The following DSC3 variants were observed in gnomAD, a reference collection of about 807,000 sequenced individuals.
The protein encoded by DSC3 is desmocollin 3.
Under a neutral mutation model 89.5 loss-of-function variants are expected in DSC3, and 97 were observed. That is an observed-to-expected ratio of 1.08 (90% CI 0.92 to 1.28). The LOEUF is 1.28. DSC3 is among the 50% of genes most tolerant of loss of function. The pLI is 0.00. For synonymous variants in DSC3, 436 were observed against 384.1 expected (o/e 1.14, Z -1.58); for missense variants, 1,199 against 1,085.3 (o/e 1.10, Z -1.47).
intron 4 of DSC3, 88 bp downstream of exon 4, chr18:31,029,421 A>T (rs547847706): frequency 1.3e-6 from 2 of 1,523,478 alleles, no homozygotes; most frequent in Non-Finnish European, 1.8e-6. Flanking sequence ...AGATCTGTTT[A>T]TTTTTATATG....
At chr18:31,004,043 A>G (rs914594675) in intron 13 of DSC3, 99 bp downstream of exon 13, 5 of 929,126 alleles carry the variant, frequency 5.4e-6, no homozygotes. Context: ...AGAGACTCAC[A>G]TCTGATGGAT....
In DSC3 at chr18:30,995,889, C is replaced by T. The variant is rs563215510; in HGVS notation, c.2493+902G>A. ...CAGGAGGCTGACATAGAAGGATCAC[C>T]TGAGCCCAGGAGGTCAAGGCTGCAG... On this transcript the variant is annotated intron_variant, in intron 15 of 15. Transcript: ENST00000360428. Among the ~76,000 whole-genome samples, 378 of 147,718 alleles carry T rather than the reference C, an allele frequency of 2.6e-3. 1 individual carries two copies. Among genetic ancestry groups the T allele is most frequent in the Non-Finnish European group, 4.2e-3 (283 of 67,448 alleles).
intron 5 of DSC3, 100 bp downstream of exon 5, chr18:31,025,660 A>G (rs1323949318): frequency 1.6e-6 from 2 of 1,275,146 alleles, no homozygotes; most frequent in Admixed American, 1.7e-5. Flanking sequence ...GATACCCTCT[A>G]AGAAGAGAAT....
At chr18:31,030,045 A>G (rs1304368001) in intron 3 of DSC3, among the ~76,000 whole-genome samples, 1 of 152,200 alleles carries the variant, frequency 6.6e-6, no homozygotes, top group Non-Finnish European at 1.5e-5. Context: ...CTTCACTGCC[A>G]TAGTGCTCTA....
chr18:31,032,595 T>C (rs772083400), intron 1 of DSC3, among the ~76,000 whole-genome samples: 35 of 112,572 alleles, frequency 3.1e-4, no homozygotes, highest in Non-Finnish European at 3.4e-4. Context: ...TGTGTGCGTG[T>C]GCGTGTGCGT....
chr18:31,031,224 A>C (rs1020742907), intron 2 of DSC3, 52 bp from the exon 3 acceptor site: 3 of 1,259,106 alleles, frequency 2.4e-6, no homozygotes, highest in East Asian at 2.5e-5. Flanking sequence ...AGAAAAAAAA[A>C]CGTGTTAAAA....
chr18:31,001,908 G>C (rs540973675), intron 13 of DSC3, among the ~76,000 whole-genome samples, 169 bp from the exon 14 acceptor site: 54 of 152,176 alleles, frequency 3.5e-4, no homozygotes, highest in African/African-American at 1.3e-3. Context: ...AGATAGCTTA[G>C]GTTTTAGAAT....
chr18:31,029,762 C>T (rs899762225), intron 3 of DSC3, 134 bp from the exon 4 acceptor site: 3 of 1,116,342 alleles, frequency 2.7e-6, no homozygotes, highest in Admixed American at 1.9e-5. Context: ...TGGAGCTAAA[C>T]CAGTTAATAA....
At chr18:31,009,964 A>G (rs1178519914) in intron 9 of DSC3, among the ~76,000 whole-genome samples, 3 of 152,240 alleles carry the variant, frequency 2.0e-5, no homozygotes, top group Non-Finnish European at 4.4e-5. Flanking sequence ...TTAGATAACA[A>G]ATCAAGTAAA....
chr18:31,026,365 T>A (rs1379132676), intron 4 of DSC3, among the ~76,000 whole-genome samples: 1 of 151,812 alleles, frequency 6.6e-6, no homozygotes, highest in Non-Finnish European at 1.5e-5. Context: ...TTCCTTGGAG[T>A]CTAATGGAAA....
At chr18:31,002,530 G>A (rs781076959) in intron 13 of DSC3, among the ~76,000 whole-genome samples, 31 of 151,664 alleles carry the variant, frequency 2.0e-4, no homozygotes, top group African/African-American at 5.8e-4. Context: ...GAGAAACCCC[G>A]TCTCTACTAA....
chr18:31,038,794 T>G (rs1032401424), intron 1 of DSC3, among the ~76,000 whole-genome samples: 32 of 152,078 alleles, frequency 2.1e-4, no homozygotes, highest in Non-Finnish European at 4.4e-5. Context: ...TTACTAATAT[T>G]TTCAAAGTTC....
rs930551581 is a variant in DSC3 at position 30,993,535 on chromosome 18, C to T, written c.*640G>A. 1 of 152,198 alleles carries T rather than the reference C, an allele frequency of 6.6e-6. No homozygotes were observed. The highest frequency in any genetic ancestry group is 2.4e-5 in the African/African-American group (1 of 41,420). The allele number at this position is 152,198 out of a possible 1,614,324, so 9.4% of individuals were successfully genotyped here. ...ACCCCAGCCTCATTTCAAGTTTTTA[C>T]CATTTTCCTCTTTGTTCTCATTTCA... is the stretch of plus-strand genomic sequence containing the variant. On this transcript the variant is annotated 3_prime_UTR_variant, in exon 16 of 16. Transcript: ENST00000360428.
intron 9 of DSC3, among the ~76,000 whole-genome samples, chr18:31,014,089 C>T (rs1272637028): frequency 6.6e-6 from 1 of 151,868 alleles, no homozygotes; most frequent in East Asian, 1.9e-4. Context: ...AAACTGTTTA[C>T]ATACTAATAT....
At chr18:31,002,841 A>G (rs1282487421) in intron 13 of DSC3, among the ~76,000 whole-genome samples, 1 of 152,220 alleles carries the variant, frequency 6.6e-6, no homozygotes, top group Non-Finnish European at 1.5e-5. Context: ...TGTTTGAAGG[A>G]CAGATTTGAT....
At chr18:31,042,533 G>A in intron 1 of DSC3, 59 bp downstream of exon 1, 1 of 1,499,350 alleles carries the variant, frequency 6.7e-7, no homozygotes, top group Non-Finnish European at 9.1e-7. Flanking sequence ...TCCGTGCAGC[G>A]TCCAGGGCGG....
At chr18:31,018,360 A>C in intron 8 of DSC3, 104 bp from the exon 9 acceptor site, 1 of 876,822 alleles carries the variant, frequency 1.1e-6, no homozygotes, top group Non-Finnish European at 1.7e-6. Flanking sequence ...AATTTTATAT[A>C]GATTATTTTA....
At position 31,022,570 on chromosome 18, in the gene DSC3, C is replaced by T. The variant is rs1033718604; in HGVS notation, c.776-68G>A. On this transcript the variant is annotated intron_variant, in intron 6 of 15. Coordinates refer to ENST00000360428, the MANE Select transcript of DSC3 (RefSeq NM_001941.5). ...TTAAATATACTTTCAAAAGTATCTACAATCTTAAAATGTTAACAGTGATGA... is the reference window on the plus strand; with the variant it reads ...TTAAATATACTTTCAAAAGTATCTATAATCTTAAAATGTTAACAGTGATGA... The T allele has an allele frequency of 9.8e-6, 15 of 1,533,188 alleles. No homozygotes were observed. In the East Asian group the frequency reaches 3.5e-4, roughly 36 times the overall value. The allele number at this position is 1,533,188 out of a possible 1,614,324, so 95.0% of individuals were successfully genotyped here. A position where few individuals can be genotyped will look rare whatever the true frequency, so the allele number is the denominator to read the frequency against.
intron 5 of DSC3, among the ~76,000 whole-genome samples, chr18:31,024,888 C>T (rs1985546822): frequency 6.6e-6 from 1 of 152,158 alleles, no homozygotes; most frequent in Non-Finnish European, 1.5e-5. Flanking sequence ...CAATTTGTCA[C>T]TATCAAACCC....
Sources: gnomAD v4.1 joint callset for allele counts (sites outside exome capture counted in the v4.1 genomes callset) on GRCh38, gnomAD v4.1.1 for gene constraint, MANE v1.5 for transcripts, NCBI Gene and HGNC (gene_info 2026-07-23, HGNC 2026-07-21) for gene names.